Variants in CATSPERE observed in about 807,000 individuals in gnomAD.
The protein encoded by CATSPERE is cation channel sperm-associated auxiliary subunit epsilon.
A neutral mutation model predicts 114.1 loss-of-function variants in CATSPERE; 93 were observed. The observed-to-expected ratio is 0.81, with a 90% confidence interval of 0.69 to 0.97. The LOEUF is 0.97. Ranked by LOEUF, CATSPERE falls within the 50% of genes least tolerant of loss-of-function variation. CATSPERE has a pLI of 0.00. For synonymous variants in CATSPERE, 341 were observed against 384.1 expected, an observed-to-expected ratio of 0.89 and a Z score of 1.31; for missense variants, 1,058 against 1,131.6, an observed-to-expected ratio of 0.93 and a Z score of 0.93.
Position 244,477,613 on chromosome 1 carries a change from AG to A in CATSPERE, c.188+1del. 6.4e-7 allele frequency: 1 copy of A among 1,570,068 alleles called. No individual in the cohort carries two copies. Among genetic ancestry groups the A allele is most frequent in the Non-Finnish European group, 8.8e-7 (1 of 1,141,040 alleles). ...AGAAACTTGTTTTGTGCTAAATAAA[AG>A]GTAAGATTTATGCCATGAATATCAA... Reference protein sequence around the residue: ...VPETCFVLNKSSPTTELRCSS... With the variant: ...VPETCFVLNKXSPTTELRCSS... On this transcript the variant is annotated frameshift_variant and splice_region_variant, in exon 3 of 22. Coordinates refer to ENST00000366534, the MANE Select transcript of CATSPERE (RefSeq NM_001130957.2). LOFTEE classifies it high-confidence loss of function.
At chr1:244,518,297 TA>T in intron 7 of CATSPERE, among the ~76,000 whole-genome samples, 1 of 152,324 alleles carries the variant, frequency 6.6e-6, no homozygotes, top group Non-Finnish European at 1.5e-5. Flanking sequence ...TCATGGAGAT[TA>T]ACACTAGGGT....
chr1:244,491,344 A>G (rs936367604), intron 6 of CATSPERE, among the ~76,000 whole-genome samples: 6 of 152,166 alleles, frequency 3.9e-5, no homozygotes, highest in Admixed American at 6.5e-5. Flanking sequence ...CTGAATGACT[A>G]CTGGGTACAT....
intron 13 of CATSPERE, among the ~76,000 whole-genome samples, chr1:244,584,954 A>G (rs1292063229): frequency 1.3e-5 from 2 of 152,134 alleles, no homozygotes; most frequent in Non-Finnish European, 2.9e-5. Context: ...ACAACCTAGG[A>G]AGGTCCTGGC....
At chr1:244,530,252 C>A (rs1189275325) in intron 8 of CATSPERE, among the ~76,000 whole-genome samples, 4 of 152,106 alleles carry the variant, frequency 2.6e-5, no homozygotes, top group Non-Finnish European at 5.9e-5. Flanking sequence ...GCCCAGCCCC[C>A]AGCACCATTT....
intron 8 of CATSPERE, among the ~76,000 whole-genome samples, chr1:244,532,748 T>A (rs530258846): frequency 6.6e-6 from 1 of 152,170 alleles, no homozygotes; most frequent in Non-Finnish European, 1.5e-5. Context: ...ATTTTTTTAA[T>A]GTTTTAAGAC....
intron 20 of CATSPERE, among the ~76,000 whole-genome samples, chr1:244,624,321 C>T (rs1672810658): frequency 6.6e-6 from 1 of 152,010 alleles, no homozygotes; most frequent in Non-Finnish European, 1.5e-5. Flanking sequence ...ACTATTCCTT[C>T]CATGAAAGAT....
At chr1:244,463,058 A>G (rs529505486) in intron 1 of CATSPERE, among the ~76,000 whole-genome samples, 1 of 152,310 alleles carries the variant, frequency 6.6e-6, no homozygotes, top group Non-Finnish European at 1.5e-5. Flanking sequence ...AGTGTAATGT[A>G]CACACCAGAT....
chr1:244,528,785 C>CCACGCACGCACACACACACA (rs1553342506), intron 8 of CATSPERE, among the ~76,000 whole-genome samples: 5 of 130,536 alleles, frequency 3.8e-5, no homozygotes, highest in Admixed American at 1.6e-4. Context: ...CAATCCCCCA[C>CCACGCACGCACACACACACA]CACACACACA....
chr1:244,553,630 C>CACACACACATATATACAT (rs1661108339), intron 9 of CATSPERE, among the ~76,000 whole-genome samples: 1 of 146,402 alleles, frequency 6.8e-6, no homozygotes, highest in African/African-American at 2.6e-5. Context: ...CACACACACA[C>CACACACACATATATACAT]ACACACACAC....
chr1:244,515,008 TCAAA>T (rs1056556597), intron 7 of CATSPERE, among the ~76,000 whole-genome samples: 11 of 152,156 alleles, frequency 7.2e-5, no homozygotes, highest in Admixed American at 2.6e-4. Context: ...TTCTTGTGAG[TCAAA>T]CAGTTTTGAA....
chr1:244,636,095 C>T (rs556218642), intron 21 of CATSPERE, among the ~76,000 whole-genome samples: 1 of 152,322 alleles, frequency 6.6e-6, no homozygotes, highest in South Asian at 2.1e-4. Flanking sequence ...GTGCCCTCTG[C>T]TCTAAGCCTG....
chr1:244,611,329 C>A (rs543226171), intron 19 of CATSPERE, among the ~76,000 whole-genome samples: 88 of 150,362 alleles, frequency 5.9e-4, no homozygotes, highest in Non-Finnish European at 1.2e-3. Context: ...GTGGCTCACA[C>A]CTGTAATCCT....
intron 10 of CATSPERE, among the ~76,000 whole-genome samples, chr1:244,565,711 TTTCATAGATTCATAGATTTCATAGA>T (rs1663343621): frequency 6.6e-6 from 1 of 152,150 alleles, no homozygotes. Context: ...CATTGATTTT[TTTCATAGATTCATAGATTTCATAGA>T]TTCATAGATT....
At position 244,563,229 on chromosome 1, in the gene CATSPERE, G is replaced by A. The variant is rs150239799; in HGVS notation, c.1507+2084G>A. ...GAACTGTGCTGCAATAAACATAGGT[G>A]TGCATATGTCTTTATAGTAGAATAA... On this transcript the variant is annotated intron_variant, in intron 10 of 21. Transcript: ENST00000366534. Among the ~76,000 whole-genome samples the A allele has an allele frequency of 8.8e-3, 1,340 of 152,286 alleles. 23 individuals carry two copies. The highest frequency in any genetic ancestry group is 0.03 in the African/African-American group (1,236 of 41,554).
intron 8 of CATSPERE, among the ~76,000 whole-genome samples, chr1:244,523,635 A>G (rs1677999962): frequency 7.1e-6 from 1 of 140,586 alleles, no homozygotes; most frequent in Non-Finnish European, 1.5e-5. Context: ...CAACTTCAGC[A>G]AAGTCTCAGG....
chr1:244,603,753 C>A (rs1194409370), intron 17 of CATSPERE, among the ~76,000 whole-genome samples: 1 of 151,696 alleles, frequency 6.6e-6, no homozygotes, highest in African/African-American at 2.4e-5. Flanking sequence ...CACCTGTAAT[C>A]CCAGTGCTTT....
chr1:244,618,291 C>A (rs929687112), intron 20 of CATSPERE, among the ~76,000 whole-genome samples: 2 of 152,002 alleles, frequency 1.3e-5, no homozygotes, highest in African/African-American at 4.8e-5. Flanking sequence ...TGTGGAGTCG[C>A]AAAGGAAGGC....
chr1:244,624,757 G>A (rs1056074676), intron 20 of CATSPERE, among the ~76,000 whole-genome samples: 9 of 151,554 alleles, frequency 5.9e-5, no homozygotes, highest in Non-Finnish European at 1.0e-4. Flanking sequence ...AGCCGAGATC[G>A]CACCACTGCA....
intron 20 of CATSPERE, among the ~76,000 whole-genome samples, chr1:244,621,284 G>A (rs12136608): frequency 0.28 from 1,876 of 6,766 alleles, 776 homozygotes; most frequent in Middle Eastern, 0.42. Flanking sequence ...TATCTATATA[G>A]ATATATCTAT....
Sources: gnomAD v4.1 joint callset for allele counts (sites outside exome capture counted in the v4.1 genomes callset) on GRCh38, gnomAD v4.1.1 for gene constraint, MANE v1.5 for transcripts, NCBI Gene and HGNC (gene_info 2026-07-23, HGNC 2026-07-21) for gene names.